MPHOSPH9: variants seen among roughly 807,000 people sequenced by gnomAD.
MPHOSPH9 encodes the protein M-phase phosphoprotein 9.
Under a neutral mutation model 145.5 loss-of-function variants are expected in MPHOSPH9, and 88 were observed. The ratio of observed to expected loss-of-function variants is 0.60; its 90% CI spans 0.51 to 0.72. The LOEUF (loss-of-function observed/expected upper bound fraction) is 0.72. Among genes scored for constraint, MPHOSPH9 ranks in the 30% least tolerant of loss-of-function variants. The probability of loss-of-function intolerance (pLI) is 0.00; values close to 1 mark genes in which losing one functional copy is unlikely to be tolerated. For synonymous variants in MPHOSPH9, 435 were observed against 486.2 expected, an observed-to-expected ratio of 0.89 and a Z score of 1.39; for missense variants, 1,238 against 1,386.6, an observed-to-expected ratio of 0.89 and a Z score of 1.70.
intron 3 of MPHOSPH9, among the ~76,000 whole-genome samples, chr12:123,226,887 T>G (rs1476532811): frequency 2.0e-5 from 3 of 152,104 alleles, no homozygotes; most frequent in East Asian, 3.9e-4. Context: ...ACCTCCCACC[T>G]TGGCCGCCTA....
chr12:123,238,712 G>A (rs1396621457), intron 1 of MPHOSPH9, among the ~76,000 whole-genome samples: 3 of 152,126 alleles, frequency 2.0e-5, no homozygotes, highest in Non-Finnish European at 4.4e-5. Flanking sequence ...AATTTTATGT[G>A]CCTCTGCATC....
chr12:123,237,322 C>T (rs1168777494), upstream of MPHOSPH9, among the ~76,000 whole-genome samples: 1 of 151,972 alleles, frequency 6.6e-6, no homozygotes, highest in African/African-American at 2.4e-5. Flanking sequence ...CCCAGATACT[C>T]AGGAGGCTGA....
chr12:123,164,994 T>G (rs1005869243), intron 18 of MPHOSPH9, among the ~76,000 whole-genome samples: 4 of 115,688 alleles, frequency 3.5e-5, no homozygotes, highest in Non-Finnish European at 4.9e-5. Context: ...GGCAAAAGAG[T>G]GAGACTCTGT....
intron 3 of MPHOSPH9, among the ~76,000 whole-genome samples, chr12:123,224,270 A>G (rs1268537062): frequency 6.6e-6 from 1 of 151,046 alleles, no homozygotes; most frequent in African/African-American, 2.4e-5. Flanking sequence ...AGTAGCTGGG[A>G]CTACAGGCAC....
rs963253189 is a variant in MPHOSPH9 at position 123,220,511 on chromosome 12, G to C, written c.872+861C>G. ...ACCAGGGAGGCAAAGGTTGCAGTGAGCTGAGATTGCGCCACTGCACTCCAG... is the reference window on the plus strand; with the variant it reads ...ACCAGGGAGGCAAAGGTTGCAGTGACCTGAGATTGCGCCACTGCACTCCAG... On this transcript the variant is annotated intron_variant, in intron 5 of 23. Transcript: ENST00000606320. Among the ~76,000 whole-genome samples the C allele has an allele frequency of 2.6e-5, 4 of 152,128 alleles. No individual in the cohort carries two copies. In the South Asian group the frequency reaches 8.3e-4, roughly 32 times the overall value.
upstream of MPHOSPH9, among the ~76,000 whole-genome samples, chr12:123,235,397 C>T (rs1018676053): frequency 2.0e-5 from 3 of 151,382 alleles, no homozygotes; most frequent in Non-Finnish European, 2.9e-5. Context: ...CTGGTCCAAA[C>T]GTAGTGAGTT....
chr12:123,218,228 G>A (rs1006659021), intron 6 of MPHOSPH9, 148 bp downstream of exon 6: 55 of 1,115,124 alleles, frequency 4.9e-5, no homozygotes, highest in East Asian at 3.1e-4. Context: ...GCGAAACTCC[G>A]TCTCAAAAAA....
At chr12:123,225,991 G>A (rs1050787376) in intron 3 of MPHOSPH9, among the ~76,000 whole-genome samples, 5 of 152,110 alleles carry the variant, frequency 3.3e-5, no homozygotes, top group East Asian at 3.8e-4. Flanking sequence ...AGCCGAGATC[G>A]CACCATAGCA....
rs745965841 is a variant in MPHOSPH9 at position 123,163,103 on chromosome 12, A to G, written c.2940T>C (p.Thr980=). 6.3e-7 allele frequency: 1 copy of G among 1,589,948 alleles called. No homozygotes were observed. Among genetic ancestry groups the G allele is most frequent in the Admixed American group, 1.9e-5 (1 of 53,284 alleles). Reference sequence around the variant, plus strand: ...GGGATCGCTTTGGACTATAAGCCACAGTCACTGGTGTTAGCATAATCTCTC... The same window carrying G: ...GGGATCGCTTTGGACTATAAGCCACGGTCACTGGTGTTAGCATAATCTCTC... The part of the protein sequence containing the change: ...TKREIMLTPV[T]VAYSPKRSPK... The change falls in exon 20 of 24, where the codon ACT becomes ACC. Residue 980 remains threonine, a synonymous_variant. Transcript: ENST00000606320.
intron 5 of MPHOSPH9, 104 bp from the exon 6 acceptor site, chr12:123,218,603 G>T: frequency 1.9e-6 from 2 of 1,059,136 alleles, no homozygotes; most frequent in Non-Finnish European, 2.7e-6. Context: ...TCAGTTCACT[G>T]CAACCTCCAT....
chr12:123,175,237 G>A (rs1053186122), intron 16 of MPHOSPH9, among the ~76,000 whole-genome samples: 3 of 150,884 alleles, frequency 2.0e-5, no homozygotes, highest in Non-Finnish European at 2.9e-5. Flanking sequence ...TGCAAGCTCC[G>A]CCTCCCGGGT....
In MPHOSPH9 at chr12:123,156,395, A is replaced by T. The variant is rs1233589549; in HGVS notation, c.*412T>A. On this transcript the variant is annotated 3_prime_UTR_variant, in exon 24 of 24. Transcript: ENST00000606320. ...TTATGTATTCAGCATGTACTAGTCTATCATTATGGAAGCTATTAAGCTTTA... is the reference window on the plus strand; with the variant it reads ...TTATGTATTCAGCATGTACTAGTCTTTCATTATGGAAGCTATTAAGCTTTA... 6.4e-6 allele frequency: 1 copy of T among 156,150 alleles called. No individual in the cohort carries two copies. Among genetic ancestry groups the T allele is most frequent in the Admixed American group, 6.3e-5 (1 of 15,910 alleles). The allele number at this position is 156,150 out of a possible 1,614,324, so 9.7% of individuals were successfully genotyped here.
chr12:123,229,651 A>C (rs2047562644), intron 2 of MPHOSPH9, among the ~76,000 whole-genome samples: 1 of 152,226 alleles, frequency 6.6e-6, no homozygotes, highest in Non-Finnish European at 1.5e-5. Context: ...TAAATGTTAA[A>C]GATATGCTTG....
At chr12:123,241,188 C>T (rs542576174) in intron 1 of MPHOSPH9, among the ~76,000 whole-genome samples, 23 of 150,894 alleles carry the variant, frequency 1.5e-4, no homozygotes, top group Middle Eastern at 6.8e-3. Context: ...GATGGAGTCT[C>T]ACTATGTTGC....
At chr12:123,238,976 AT>A (rs2047891102) in intron 1 of MPHOSPH9, among the ~76,000 whole-genome samples, 1 of 152,144 alleles carries the variant, frequency 6.6e-6, no homozygotes, top group African/African-American at 2.4e-5. Context: ...GAATATCTCA[AT>A]TTTAAAATAT....
intron 10 of MPHOSPH9, 53 bp downstream of exon 10, chr12:123,202,571 C>A (rs772269774): frequency 5.3e-5 from 79 of 1,477,106 alleles, no homozygotes; most frequent in Non-Finnish European, 6.9e-5. Flanking sequence ...CATTTTCAAT[C>A]AGATATCACA....
At chr12:123,186,075 AT>A (rs1394355317) in intron 13 of MPHOSPH9, among the ~76,000 whole-genome samples, 1 of 151,858 alleles carries the variant, frequency 6.6e-6, no homozygotes, top group Non-Finnish European at 1.5e-5. Context: ...AAATACAAAA[AT>A]TAGCTGGGCA....
intron 8 of MPHOSPH9, 101 bp from the exon 9 acceptor site, chr12:123,203,476 A>C: frequency 9.4e-7 from 1 of 1,064,104 alleles, no homozygotes; most frequent in South Asian, 1.7e-5. Flanking sequence ...GACTTTAAGC[A>C]AATTGAAAAT....
Position 123,161,220 on chromosome 12 carries a change from C to G in MPHOSPH9, c.3297G>C (p.Gly1099=). 1.9e-6 allele frequency: 3 copies of G among 1,614,156 alleles called. No individual in the cohort carries two copies. Among genetic ancestry groups the G allele is most frequent in the Non-Finnish European group, 2.5e-6 (3 of 1,180,024 alleles). Residue 1099 remains glycine, a synonymous_variant, in exon 22 of 24, where the codon GGG becomes GGC. Coordinates refer to ENST00000606320, the MANE Select transcript of MPHOSPH9 (RefSeq NM_022782.4). ...QCKPVSVTPQ[G]NDFEYTAKIR... is the part of the protein sequence containing the mutation. ...TTTTTGCTGTATATTCAAAATCATT[C>G]CCCTGTGGAGTGACTGAAACCGGCT...
Sources: allele counts gnomAD v4.1 joint callset (sites outside exome capture counted in the v4.1 genomes callset), GRCh38; gene constraint gnomAD v4.1.1; transcripts MANE v1.5; gene names NCBI Gene and HGNC (gene_info 2026-07-23, HGNC 2026-07-21).